Variants in NEMP2 observed in about 807,000 individuals in gnomAD.
NEMP2 encodes UPF0571 transmembrane protein.
A neutral mutation model predicts 54.2 loss-of-function variants in NEMP2; 53 were observed. The ratio of observed to expected loss-of-function variants is 0.98; its 90% CI spans 0.78 to 1.23. The LOEUF is 1.23. Among genes scored for constraint, NEMP2 ranks in the 50% most tolerant of loss-of-function variants. The pLI is 0.00. For missense variants in NEMP2, 455 were observed against 511.3 expected (o/e 0.89, Z 1.06); for synonymous variants, 197 against 190.3 (o/e 1.04, Z -0.29).
At chr2:190,443,057 T>C in the NEMP2 span, 4 of 152,246 alleles carry the variant, frequency 2.6e-5, no homozygotes, top group African/African-American at 4.8e-5. The surrounding 1 kb of genome is among the most constrained non-coding windows in gnomAD (Gnocchi z 4.2). Flanking sequence ...ACTGTCATTA[T>C]GGTATTACCG....
At chr2:190,442,620 A>G in the NEMP2 span, 2 of 152,142 alleles carry the variant, frequency 1.3e-5, no homozygotes, top group Non-Finnish European at 2.9e-5. Context: ...GGGAGGTAAA[A>G]TTGACAGAAT....
At chr2:190,584,055 G>T in the NEMP2 span, among the ~76,000 whole-genome samples, 3 of 152,234 alleles carry the variant, frequency 2.0e-5, no homozygotes, top group African/African-American at 7.2e-5. The surrounding 1 kb of genome is among the most constrained non-coding windows in gnomAD (Gnocchi z 4.2). Flanking sequence ...GTACAAAAAT[G>T]TGCTTCCCCT....
chr2:190,509,777 T>C lies in NEMP2; in HGVS notation c.1131-465A>G, dbSNP rs1690291867. The stretch of plus-strand genomic sequence containing the variant: ...TTTTCCAGCTGGGTGCGGTGGCTCA[T>C]GCCTGTAATCCCAGCACTTTGGGAG... On this transcript the variant is annotated intron_variant, in intron 8 of 8. Transcript: ENST00000409150. This position sits in a 1 kb window ranked among gnomAD's most constrained non-coding sequence, Gnocchi z 6.1. Among the ~76,000 whole-genome samples the C allele has an allele frequency of 6.6e-6, 1 of 152,226 alleles. No homozygotes were observed. The highest frequency in any genetic ancestry group is 1.5e-5 in the Non-Finnish European group (1 of 68,054).
the NEMP2 span, among the ~76,000 whole-genome samples, chr2:190,617,641 T>C: frequency 1.3e-5 from 2 of 152,240 alleles, no homozygotes; most frequent in African/African-American, 2.4e-5. The surrounding 1 kb of genome is among the most constrained non-coding windows in gnomAD (Gnocchi z 5.0). Flanking sequence ...ATTTATACTG[T>C]CTAAATCCTC....
chr2:190,494,818 C>T, the NEMP2 span, among the ~76,000 whole-genome samples: 7 of 152,176 alleles, frequency 4.6e-5, no homozygotes, highest in African/African-American at 1.4e-4. This position sits in a 1 kb window ranked among gnomAD's most constrained non-coding sequence, Gnocchi z 5.7. Flanking sequence ...GATTAAAACC[C>T]TTAGCAAAAT....
Position 190,528,146 on chromosome 2 carries a change from TGC to T in NEMP2, c.98-2770_98-2769del, listed in dbSNP as rs1691007454. Among the ~76,000 whole-genome samples, 1 of 152,204 alleles carries T rather than the reference TGC, an allele frequency of 6.6e-6. No homozygotes were observed. The highest frequency in any genetic ancestry group is 6.5e-5 in the Admixed American group (1 of 15,282). ...GGCACATTTTTGAATATATCTGAGA[TGC>T]AAATGACTTCTGGCCAAGGGCAGCA... On this transcript the variant is annotated intron_variant, in intron 1 of 8. Transcript: ENST00000409150. This position sits in a 1 kb window ranked among gnomAD's most constrained non-coding sequence, Gnocchi z 4.3.
the NEMP2 span, chr2:190,497,623 T>C: frequency 6.2e-7 from 1 of 1,613,820 alleles, no homozygotes; most frequent in African/African-American, 1.3e-5. This position sits in a 1 kb window ranked among gnomAD's most constrained non-coding sequence, Gnocchi z 5.2. Flanking sequence ...GAGTCAGCTC[T>C]TCTCCCTGGG....
chr2:190,465,826 C>G, the NEMP2 span, among the ~76,000 whole-genome samples: 3 of 152,134 alleles, frequency 2.0e-5, no homozygotes, highest in Non-Finnish European at 4.4e-5. This position sits in a 1 kb window ranked among gnomAD's most constrained non-coding sequence, Gnocchi z 4.6. Flanking sequence ...AACCCCATCT[C>G]TACTAAAAAT....
chr2:190,616,121 G>C, the NEMP2 span, among the ~76,000 whole-genome samples: 1 of 152,226 alleles, frequency 6.6e-6, no homozygotes, highest in Non-Finnish European at 1.5e-5. The surrounding 1 kb of genome is among the most constrained non-coding windows in gnomAD (Gnocchi z 5.1). Context: ...TTCACCACCT[G>C]AGACAATGAG....
At chr2:190,430,661 C>T in the NEMP2 span, among the ~76,000 whole-genome samples, 1 of 151,830 alleles carries the variant, frequency 6.6e-6, no homozygotes, top group Non-Finnish European at 1.5e-5. Flanking sequence ...CACCTTTCCC[C>T]CTTTTCTATT....
the NEMP2 span, among the ~76,000 whole-genome samples, chr2:190,566,534 G>A: frequency 1.3e-5 from 2 of 151,858 alleles, no homozygotes; most frequent in East Asian, 1.9e-4. Context: ...ACTGCAGTGA[G>A]CTGTGATTGC....
At chr2:190,438,784 T>C in the NEMP2 span, among the ~76,000 whole-genome samples, 1 of 152,240 alleles carries the variant, frequency 6.6e-6, no homozygotes, top group Non-Finnish European at 1.5e-5. This position sits in a 1 kb window ranked among gnomAD's most constrained non-coding sequence, Gnocchi z 5.2. Context: ...AAATAGACAA[T>C]GACAAGATTT....
In NEMP2 at chr2:190,506,750, T is replaced by A. The variant is rs963102316; in HGVS notation, c.*2439A>T. 4 of 152,236 alleles carry A rather than the reference T, an allele frequency of 2.6e-5. No individual in the cohort carries two copies. Among genetic ancestry groups the A allele is most frequent in the African/African-American group, 9.6e-5 (4 of 41,464 alleles). The allele number at this position is 152,236 out of a possible 1,614,324, so 9.4% of individuals were successfully genotyped here. ...CTACACTATATCTCACCCACACATC[T>A]GGTGTCAAAGAGTTCAACTTGCTAA... On this transcript the variant is annotated 3_prime_UTR_variant, in exon 9 of 9. Transcript: ENST00000409150. This position sits in a 1 kb window ranked among gnomAD's most constrained non-coding sequence, Gnocchi z 6.3.
chr2:190,601,941 A>G, the NEMP2 span, among the ~76,000 whole-genome samples: 1 of 152,248 alleles, frequency 6.6e-6, no homozygotes, highest in Non-Finnish European at 1.5e-5. The surrounding 1 kb of genome is among the most constrained non-coding windows in gnomAD (Gnocchi z 5.8). Flanking sequence ...CCTATAGGGA[A>G]TTCCATCCAC....
chr2:190,582,808 A>G, the NEMP2 span, among the ~76,000 whole-genome samples: 2 of 152,186 alleles, frequency 1.3e-5, no homozygotes, highest in Non-Finnish European at 2.9e-5. The surrounding 1 kb of genome is among the most constrained non-coding windows in gnomAD (Gnocchi z 4.6). Context: ...CTGGAGCTTT[A>G]TCGATCATAT....
rs548232687 is a variant in NEMP2 at position 190,510,119 on chromosome 2, G to A, written c.1130+242C>T. ...ACACATCCTATTCCACCTTCCCTTCGCATAGGGAAGTTATCTTTATAGCCT... is the reference window on the plus strand; with the variant it reads ...ACACATCCTATTCCACCTTCCCTTCACATAGGGAAGTTATCTTTATAGCCT... On this transcript the variant is annotated intron_variant, in intron 8 of 8. Coordinates refer to ENST00000409150, the MANE Select transcript of NEMP2 (RefSeq NM_001142645.2). The surrounding 1 kb of genome is among the most constrained non-coding windows in gnomAD (Gnocchi z 5.7). Among the ~76,000 whole-genome samples the A allele has an allele frequency of 2.6e-3, 402 of 152,172 alleles. 1 individual carries two copies. The highest frequency in any genetic ancestry group is 4.2e-3 in the Non-Finnish European group (284 of 68,006).
the NEMP2 span, among the ~76,000 whole-genome samples, chr2:190,446,750 T>C: frequency 6.6e-6 from 1 of 152,304 alleles, no homozygotes; most frequent in East Asian, 1.9e-4. Context: ...CAAAACTACA[T>C]ACTGGTGGGA....
At chr2:190,547,686 C>T in the NEMP2 span, among the ~76,000 whole-genome samples, 2 of 151,950 alleles carry the variant, frequency 1.3e-5, no homozygotes, top group Non-Finnish European at 1.5e-5. This position sits in a 1 kb window ranked among gnomAD's most constrained non-coding sequence, Gnocchi z 6.2. Context: ...GCACCACACC[C>T]AGCTAATTTT....
At chr2:190,535,301 T>C (rs1331824033), upstream of NEMP2, among the ~76,000 whole-genome samples, 1 of 152,212 alleles carries the variant, frequency 6.6e-6, no homozygotes, top group African/African-American at 2.4e-5. Context: ...ATGTCTAATC[T>C]CGGACACGGC....
Sources: gnomAD v4.1 joint callset for allele counts (sites outside exome capture counted in the v4.1 genomes callset) on GRCh38, gnomAD v4.1.1 for gene constraint, Gnocchi (gnomAD v3.1) non-coding constraint, MANE v1.5 for transcripts, NCBI Gene and HGNC (gene_info 2026-07-23, HGNC 2026-07-21) for gene names.